ATP8B2: variants seen among roughly 807,000 people sequenced by gnomAD.
The protein encoded by ATP8B2 is ATPase phospholipid transporting 8B2, also known as phospholipid-transporting ATPase ID.
Under a neutral mutation model 133.4 loss-of-function variants are expected in ATP8B2, and 70 were observed. That is an observed-to-expected ratio of 0.52 (90% CI 0.43 to 0.64). ATP8B2 has a LOEUF of 0.64. ATP8B2 is among the 30% of genes least tolerant of loss of function. ATP8B2 has a pLI of 0.00. For missense variants in ATP8B2, 1,101 were observed against 1,535.7 expected, an observed-to-expected ratio of 0.72 and a Z score of 4.73; for synonymous variants, 517 against 589.5, an observed-to-expected ratio of 0.88 and a Z score of 1.78.
At position 154,342,843 on chromosome 1, in the gene ATP8B2, G is replaced by A. The variant is rs113465986; in HGVS notation, c.1335G>A (p.Lys445=). ...DFSFNPLADK[K]FLFWDPSLLE... ...CCTTCAATCCTCTGGCTGACAAGAA[G>A]TTCTTATTTTGGGACCCCAGCCTGC... Residue 445 remains lysine (K), a synonymous_variant, in exon 15 of 28, where the codon AAG becomes AAA. Transcript: ENST00000368489. The A allele has an allele frequency of 3.1e-6, 5 of 1,614,186 alleles. No homozygotes were observed. Among genetic ancestry groups the A allele is most frequent in the African/African-American group, 2.7e-5 (2 of 75,052 alleles).
intron 2 of ATP8B2, chr1:154,329,138 A>C: frequency 3.3e-6 from 4 of 1,195,938 alleles, no homozygotes; most frequent in Non-Finnish European, 3.2e-6. Flanking sequence ...CAATCCCTAC[A>C]TTCACTTGTC....
intron 1 of ATP8B2, among the ~76,000 whole-genome samples, chr1:154,327,366 C>T (rs953991445): frequency 7.7e-6 from 1 of 130,234 alleles, no homozygotes; most frequent in Non-Finnish European, 1.6e-5. Context: ...CAGGCAGAGG[C>T]TTGTCTCACT....
Position 154,351,157 on chromosome 1 carries a change from G to A in ATP8B2, c.*2039G>A, listed in dbSNP as rs1368903576. 5 of 148,956 alleles carry A rather than the reference G, an allele frequency of 3.4e-5. No individual in the cohort carries two copies. Among genetic ancestry groups the A allele is most frequent in the African/African-American group, 7.4e-5 (3 of 40,396 alleles). 9.2% of individuals were successfully genotyped at this position (148,956 alleles called of 1,614,324 possible). A position where few individuals can be genotyped will look rare whatever the true frequency, so the allele number is the denominator to read the frequency against. ...ATATATTATTTTTTGGTTCTCTCTC[G>A]TTTTTTAGGGAGGGAAGAAAGTACC... On this transcript the variant is annotated 3_prime_UTR_variant, in exon 28 of 28. Transcript: ENST00000368489.
intron 1 of ATP8B2, chr1:154,327,864 A>G (rs761452128): frequency 1.2e-6 from 2 of 1,613,144 alleles, no homozygotes; most frequent in Non-Finnish European, 8.5e-7. Flanking sequence ...CCCTACAGGC[A>G]TGGGCTTCTG....
At position 154,351,240 on chromosome 1, in the gene ATP8B2, G is replaced by A. The variant is rs531372161; in HGVS notation, c.*2122G>A. The stretch of plus-strand genomic sequence containing the variant: ...TAATTTATGACACATTTCTATACTT[G>A]CAAAAATTATATCATTTTATGGATA... On this transcript the variant is annotated 3_prime_UTR_variant, in exon 28 of 28. Transcript: ENST00000368489. 5 of 152,204 alleles carry A rather than the reference G, an allele frequency of 3.3e-5. No individual in the cohort carries two copies. Among genetic ancestry groups the A allele is most frequent in the Non-Finnish European group, 7.4e-5 (5 of 67,984 alleles). The allele number at this position is 152,204 out of a possible 1,614,324, so 9.4% of individuals were successfully genotyped here. A position where few individuals can be genotyped will look rare whatever the true frequency, so the allele number is the denominator to read the frequency against.
chr1:154,333,152 A>G (rs1011227341), intron 9 of ATP8B2, among the ~76,000 whole-genome samples: 2 of 152,126 alleles, frequency 1.3e-5, no homozygotes, highest in African/African-American at 2.4e-5. Context: ...TCTATTAAAA[A>G]TACAAAAATT....
chr1:154,341,168 TG>T, intron 13 of ATP8B2, 106 bp downstream of exon 13: 1 of 1,218,638 alleles, frequency 8.2e-7, no homozygotes, highest in East Asian at 2.5e-5. Flanking sequence ...CCTTCCTAGT[TG>T]GGTCTGAGGG....
Position 154,342,892 on chromosome 1 carries a change from C to T in ATP8B2, c.1384C>T (p.Pro462Ser), listed in dbSNP as rs982603302. The T allele has an allele frequency of 1.2e-6, 2 of 1,614,026 alleles. No homozygotes were observed. Among genetic ancestry groups the T allele is most frequent in the African/African-American group, 2.7e-5 (2 of 74,918 alleles). Residue 462 changes from proline (P) to serine (S), a missense_variant, in exon 15 of 28, where the codon CCC becomes TCC. Transcript: ENST00000368489. ...GCTGGAGGCTGTCAAGATCGGGGACCCCCACACGCATGAGTTCTTCCGCCT... is the reference window on the plus strand; with the variant it reads ...GCTGGAGGCTGTCAAGATCGGGGACTCCCACACGCATGAGTTCTTCCGCCT... ...SLLEAVKIGD[P>S]HTHEFFRLLS...
At position 154,349,407 on chromosome 1, in the gene ATP8B2, T is replaced by C; in HGVS notation, c.*289T>C. On this transcript the variant is annotated 3_prime_UTR_variant, in exon 28 of 28. Coordinates refer to ENST00000368489, the MANE Select transcript of ATP8B2 (RefSeq NM_001370597.1). ...AGTGGAACCAAAAACAAGAAAAAAC[T>C]GTGAGAGATTGTGTCTGCCCCTGCC... 2.2e-6 allele frequency: 1 copy of C among 451,538 alleles called. No homozygotes were observed. The highest frequency in any genetic ancestry group is 4.1e-6 in the Non-Finnish European group (1 of 246,612). 28.0% of individuals were successfully genotyped at this position (451,538 alleles called of 1,614,324 possible).
Position 154,350,048 on chromosome 1 carries a change from GTTTTC to G in ATP8B2, c.*940_*944del, listed in dbSNP as rs1013690049. 6.6e-6 allele frequency: 1 copy of G among 151,916 alleles called. No individual in the cohort carries two copies. The highest frequency in any genetic ancestry group is 1.5e-5 in the Non-Finnish European group (1 of 68,036). The allele number at this position is 151,916 out of a possible 1,614,324, so 9.4% of individuals were successfully genotyped here. A position where few individuals can be genotyped will look rare whatever the true frequency, so the allele number is the denominator to read the frequency against. ...GAAATTTGGTCAGTGGGGAGGGGTA[GTTTTC>G]TTTTCTTTTTTCTTTTTCTTTTTTT... On this transcript the variant is annotated 3_prime_UTR_variant, in exon 28 of 28. Coordinates refer to ENST00000368489, the MANE Select transcript of ATP8B2 (RefSeq NM_001370597.1).
intron 2 of ATP8B2, among the ~76,000 whole-genome samples, 197 bp from the exon 3 acceptor site, chr1:154,330,199 T>C (rs879450483): frequency 2.6e-5 from 4 of 152,086 alleles, no homozygotes; most frequent in Non-Finnish European, 5.9e-5. Context: ...TGTCCTGTCC[T>C]GTGAATGTAA....
intron 1 of ATP8B2, 159 bp from the exon 2 acceptor site, chr1:154,327,946 C>T: frequency 1.3e-6 from 2 of 1,544,252 alleles, no homozygotes; most frequent in South Asian, 2.2e-5. Context: ...CCCTCTTTCC[C>T]AGGAACCCAT....
At chr1:154,341,621 C>T (rs921496974) in intron 13 of ATP8B2, 6 of 159,544 alleles carry the variant, frequency 3.8e-5, no homozygotes, top group South Asian at 1.7e-4. Flanking sequence ...GGTGAAACTC[C>T]GTCTCTACTA....
Position 154,344,452 on chromosome 1 carries a change from T to C in ATP8B2, c.2093T>C (p.Val698Ala). ...CKMLTDDMTEVFIVTGHTVLE... is the reference protein window; with the variant it reads ...CKMLTDDMTEAFIVTGHTVLE... The stretch of plus-strand genomic sequence containing the variant: ...ATGCTGACGGATGACATGACTGAGG[T>C]TTTCATAGTCACTGGCCATACTGTC... Residue 698 changes from valine (V) to alanine (A), a missense_variant, in exon 20 of 28, where the codon GTT (valine) becomes GCT (alanine). Transcript: ENST00000368489. This position sits in a 1 kb window ranked among gnomAD's most constrained non-coding sequence, Gnocchi z 4.1. 6.2e-7 allele frequency: 1 copy of C among 1,613,498 alleles called. No homozygotes were observed. The highest frequency in any genetic ancestry group is 1.1e-5 in the South Asian group (1 of 91,050).
chr1:154,329,591 C>T (rs765847522), intron 2 of ATP8B2, among the ~76,000 whole-genome samples: 9 of 152,102 alleles, frequency 5.9e-5, no homozygotes, highest in Non-Finnish European at 1.2e-4. Context: ...ATAGGTTTAG[C>T]TAGATAGGTG....
chr1:154,337,761 G>C, intron 12 of ATP8B2: 1 of 1,488,156 alleles, frequency 6.7e-7, no homozygotes, highest in South Asian at 1.4e-5. Flanking sequence ...AAAAAATATT[G>C]ATTTATTCAG....
intron 13 of ATP8B2, among the ~76,000 whole-genome samples, chr1:154,342,029 GCT>G (rs1686401632): frequency 6.6e-6 from 1 of 152,170 alleles, no homozygotes; most frequent in African/African-American, 2.4e-5. Context: ...CCGTGGCTGT[GCT>G]GCTGGGATGG....
In ATP8B2 at chr1:154,344,205, C is replaced by T; in HGVS notation, c.1986C>T (p.Leu662=). ...AAGGGGTTCCAGAGACCATTGCCCT[C>T]CTGACACTGGCCAACATCAAGATTT... ...LQQGVPETIA[L]LTLANIKIWV... The change falls in exon 19 of 28, where the codon CTC becomes CTT. Residue 662 remains leucine (L), a synonymous_variant. Transcript: ENST00000368489. This position sits in a 1 kb window ranked among gnomAD's most constrained non-coding sequence, Gnocchi z 4.1. 6.2e-7 allele frequency: 1 copy of T among 1,614,222 alleles called. No homozygotes were observed. The highest frequency in any genetic ancestry group is 1.3e-5 in the African/African-American group (1 of 75,044).
At chr1:154,329,354 G>A (rs1321139457) in intron 2 of ATP8B2, among the ~76,000 whole-genome samples, 1 of 152,208 alleles carries the variant, frequency 6.6e-6, no homozygotes, top group African/African-American at 2.4e-5. Flanking sequence ...TTACTGCAGT[G>A]TGCTCTGCAG....
Sources: allele counts gnomAD v4.1 joint callset (sites outside exome capture counted in the v4.1 genomes callset), GRCh38; gene constraint gnomAD v4.1.1; non-coding constraint Gnocchi (gnomAD v3.1); transcripts MANE v1.5; gene names NCBI Gene and HGNC (gene_info 2026-07-23, HGNC 2026-07-21).